Variants in TSEN2 observed in about 807,000 individuals in gnomAD.
The protein encoded by TSEN2 is tRNA-splicing endonuclease subunit Sen2.
A neutral mutation model predicts 59.2 loss-of-function variants in TSEN2; 54 were observed. The observed-to-expected ratio is 0.91, with a 90% CI of 0.73 to 1.14. The LOEUF (loss-of-function observed/expected upper bound fraction) is 1.14. TSEN2 is among the 50% of genes most tolerant of loss of function. The pLI is 0.00. For synonymous variants in TSEN2, 195 were observed against 198.2 expected (o/e 0.98, Z 0.14); for missense variants, 636 against 576.2 (o/e 1.10, Z -1.06).
intron 8 of TSEN2, among the ~76,000 whole-genome samples, chr3:12,528,606 G>A (rs909565874): frequency 2.6e-5 from 4 of 152,160 alleles, no homozygotes; most frequent in Non-Finnish European, 2.9e-5. Flanking sequence ...TGTAGTCCTG[G>A]CAACTCAGGA....
At chr3:12,501,765 C>G (rs1371690053) in intron 4 of TSEN2, among the ~76,000 whole-genome samples, 1 of 152,192 alleles carries the variant, frequency 6.6e-6, no homozygotes, top group African/African-American at 2.4e-5. Context: ...TGCCTTCTCA[C>G]AAGCCACGTG....
chr3:12,534,677 G>A (rs1207827086), downstream of TSEN2, among the ~76,000 whole-genome samples: 4 of 151,978 alleles, frequency 2.6e-5, no homozygotes, highest in African/African-American at 9.7e-5. Context: ...TGGTGGCAGG[G>A]CCTGTAGTCC....
Position 12,503,746 on chromosome 3 carries a change from T to C in TSEN2, c.793T>C (p.Cys265Arg), listed in dbSNP as rs370723416. ...GTACGTGCTGGTCGAGGAAGCGGAG[T>C]GTGCCATGAGCGAGAGGGAGGCTGC... ...HEYVLVEEAE[C>R]AMSEREAAPN... is the part of the protein sequence containing the mutation. Residue 265 changes from cysteine (C) to arginine (R), a missense_variant, in exon 5 of 12, where the codon TGT becomes CGT. Cys to Arg is a radical substitution (Grantham distance 180). Transcript: ENST00000284995. 8 of 1,613,616 alleles carry C rather than the reference T, an allele frequency of 5.0e-6. No individual in the cohort carries two copies. The highest frequency in any genetic ancestry group is 6.8e-6 in the Non-Finnish European group (8 of 1,179,972).
At chr3:12,515,239 C>G (rs2055938774) in intron 6 of TSEN2, among the ~76,000 whole-genome samples, 1 of 152,108 alleles carries the variant, frequency 6.6e-6, no homozygotes, top group Admixed American at 6.5e-5. Context: ...GTCTTTTGTT[C>G]TGTGTATGCC....
chr3:12,519,985 G>C (rs987680595), intron 8 of TSEN2, among the ~76,000 whole-genome samples: 6 of 151,948 alleles, frequency 3.9e-5, no homozygotes, highest in African/African-American at 1.5e-4. Context: ...GTCCTATGCA[G>C]TGGAGACGCT....
upstream of TSEN2, among the ~76,000 whole-genome samples, chr3:12,483,651 A>G (rs2052307675): frequency 2.0e-5 from 3 of 152,222 alleles, no homozygotes; most frequent in South Asian, 6.2e-4. Context: ...ATCTAGCACC[A>G]TGAATCTCTC....
At position 12,528,929 on chromosome 3, in the gene TSEN2, G is replaced by T. The variant is rs752031887; in HGVS notation, c.1136+5G>T. The T allele has an allele frequency of 1.2e-6, 2 of 1,613,864 alleles. No homozygotes were observed. Among genetic ancestry groups the T allele is most frequent in the Non-Finnish European group, 1.7e-6 (2 of 1,179,968 alleles). ...CCCTCCATTTTACCATGCAAGGTTCGGAGTGATTTTTAAATAAACTAATGG... is the reference window on the plus strand; with the variant it reads ...CCCTCCATTTTACCATGCAAGGTTCTGAGTGATTTTTAAATAAACTAATGG... On this transcript the variant is annotated splice_donor_5th_base_variant and intron_variant, in intron 9 of 11. Coordinates refer to ENST00000284995, the MANE Select transcript of TSEN2 (RefSeq NM_025265.4).
At chr3:12,534,669 G>A (rs1340268236), downstream of TSEN2, among the ~76,000 whole-genome samples, 1 of 152,010 alleles carries the variant, frequency 6.6e-6, no homozygotes, top group Non-Finnish European at 1.5e-5. Context: ...CTCAGGCGTG[G>A]TGGCAGGGCC....
chr3:12,505,824 G>A (rs569860335), intron 6 of TSEN2, among the ~76,000 whole-genome samples: 1 of 150,500 alleles, frequency 6.6e-6, no homozygotes, highest in East Asian at 1.9e-4. Flanking sequence ...TTGATGGCTA[G>A]GTGTGATGGC....
intron 4 of TSEN2, 57 bp downstream of exon 4, chr3:12,496,611 TA>T: frequency 4.4e-6 from 7 of 1,584,242 alleles, no homozygotes; most frequent in Non-Finnish European, 6.1e-6. Flanking sequence ...CAGATGTTTT[TA>T]GGTAGTCTTG....
downstream of TSEN2, among the ~76,000 whole-genome samples, chr3:12,535,567 T>C (rs149498134): frequency 8.4e-4 from 128 of 152,216 alleles, no homozygotes; most frequent in African/African-American, 3.0e-3. Flanking sequence ...GTTTTGCTCT[T>C]GTTGCCCAGG....
At chr3:12,495,083 G>A (rs1017607597) in intron 3 of TSEN2, among the ~76,000 whole-genome samples, 10 of 122,984 alleles carry the variant, frequency 8.1e-5, no homozygotes, top group Non-Finnish European at 1.3e-4. Flanking sequence ...CCAAAATCGC[G>A]CCACTGCATT....
In TSEN2 at chr3:12,529,785, TTGA is replaced by T. The variant is rs755194843; in HGVS notation, c.1164_1166del (p.Asp389del). 6.2e-7 allele frequency: 1 copy of T among 1,614,152 alleles called. No individual in the cohort carries two copies. The highest frequency in any genetic ancestry group is 8.5e-7 in the Non-Finnish European group (1 of 1,180,014). On this transcript the variant is annotated inframe_deletion, in exon 10 of 12. Coordinates refer to ENST00000284995, the MANE Select transcript of TSEN2 (RefSeq NM_025265.4). The stretch of plus-strand genomic sequence containing the variant: ...AGTTATTCTGTCATTATCGAGCTAG[TTGA>T]TGACCATTTTGAAGGCTCTCTCCGC...
At chr3:12,488,695 TC>T (rs2052894363) in intron 1 of TSEN2, among the ~76,000 whole-genome samples, 1 of 152,252 alleles carries the variant, frequency 6.6e-6, no homozygotes, top group African/African-American at 2.4e-5. Flanking sequence ...GCTTTGGCTT[TC>T]TGTTCTCCCT....
chr3:12,530,104 C>A, intron 10 of TSEN2: 1 of 1,411,336 alleles, frequency 7.1e-7, no homozygotes, highest in Non-Finnish European at 9.2e-7. Flanking sequence ...CTGCTGAGCT[C>A]CAATGACGGA....
chr3:12,527,961 A>G (rs1299161720), intron 8 of TSEN2, among the ~76,000 whole-genome samples: 1 of 152,186 alleles, frequency 6.6e-6, no homozygotes, highest in Non-Finnish European at 1.5e-5. Context: ...TGTGTGTCAG[A>G]GTCCCTGGCC....
At chr3:12,515,092 A>G (rs1190771031) in intron 6 of TSEN2, 3 of 152,232 alleles carry the variant, frequency 2.0e-5, no homozygotes, top group Non-Finnish European at 4.4e-5. Flanking sequence ...ACCTCCTGCA[A>G]GGGTCTTGGG....
intron 8 of TSEN2, among the ~76,000 whole-genome samples, chr3:12,523,178 A>G (rs1373851446): frequency 6.6e-6 from 1 of 152,114 alleles, no homozygotes; most frequent in Non-Finnish European, 1.5e-5. Flanking sequence ...CGCAGGATTT[A>G]TATTGTCTTA....
upstream of TSEN2, among the ~76,000 whole-genome samples, chr3:12,484,121 G>A (rs1399778974): frequency 6.6e-6 from 1 of 152,152 alleles, no homozygotes; most frequent in Non-Finnish European, 1.5e-5. Context: ...GTTTCCTCAG[G>A]GCCATTTAAT....
Sources: gnomAD v4.1 joint callset for allele counts (sites outside exome capture counted in the v4.1 genomes callset) on GRCh38, gnomAD v4.1.1 for gene constraint, MANE v1.5 for transcripts, NCBI Gene and HGNC (gene_info 2026-07-23, HGNC 2026-07-21) for gene names.